The following DSCAM variants were observed in gnomAD, a reference collection of about 807,000 sequenced individuals.
The protein encoded by DSCAM is DS cell adhesion molecule.
Under a neutral mutation model 217.7 loss-of-function variants are expected in DSCAM, and 47 were observed. That is an observed-to-expected ratio of 0.22 (90% CI 0.17 to 0.28). The LOEUF (loss-of-function observed/expected upper bound fraction) is 0.28, where lower values mean the gene tolerates loss of function less well. Among genes scored for constraint, DSCAM ranks in the 10% least tolerant of loss-of-function variants. The pLI is 1.00. For missense variants in DSCAM, 2,080 were observed against 2,618.3 expected (o/e 0.79, Z 4.49); for synonymous variants, 1,056 against 1,015.3 (o/e 1.04, Z -0.76).
chr21:40,491,335 C>T (rs570458700), intron 3 of DSCAM, among the ~76,000 whole-genome samples: 4 of 151,970 alleles, frequency 2.6e-5, no homozygotes, highest in Non-Finnish European at 5.9e-5. Flanking sequence ...AAAATATGAC[C>T]AGAGAGTGAT....
chr21:40,124,967 G>GT lies in DSCAM; in HGVS notation c.3563-640dup, dbSNP rs1164472673. The stretch of plus-strand genomic sequence containing the variant: ...CTGGATCAGTCTCATTTCTGCTGCA[G>GT]TTTTTGGCTTTGAATGTACTGGGGA... On this transcript the variant is annotated intron_variant, in intron 19 of 32. Transcript: ENST00000400454. 2.6e-5 allele frequency among the ~76,000 whole-genome samples: 4 copies of GT among 152,136 alleles called. No homozygotes were observed. The East Asian group carries it at 7.7e-4, about 29-fold the overall frequency.
intron 3 of DSCAM, among the ~76,000 whole-genome samples, chr21:40,691,454 T>G (rs1420032494): frequency 2.6e-5 from 4 of 152,202 alleles, no homozygotes; most frequent in Non-Finnish European, 4.4e-5. Context: ...GCCTCTCCCC[T>G]TTGATTCCGA....
chr21:40,457,570 T>C (rs1281188793), intron 3 of DSCAM, among the ~76,000 whole-genome samples: 1 of 152,030 alleles, frequency 6.6e-6, no homozygotes, highest in African/African-American at 2.4e-5. Flanking sequence ...ACCTGTATTA[T>C]ATCAATTTGT....
intron 3 of DSCAM, among the ~76,000 whole-genome samples, chr21:40,597,361 C>T (rs1374236616): frequency 6.7e-6 from 1 of 149,170 alleles, no homozygotes; most frequent in African/African-American, 2.5e-5. Flanking sequence ...AACGAAATGT[C>T]TCCTTTGTTG....
intron 3 of DSCAM, among the ~76,000 whole-genome samples, chr21:40,623,846 G>A (rs2089560144): frequency 6.6e-6 from 1 of 152,186 alleles, no homozygotes; most frequent in African/African-American, 2.4e-5. Flanking sequence ...TTAAGGGATA[G>A]TCACTGGGAA....
intron 1 of DSCAM, among the ~76,000 whole-genome samples, chr21:40,814,922 G>C (rs185035456): frequency 2.0e-5 from 3 of 152,324 alleles, no homozygotes; most frequent in Admixed American, 6.5e-5. Context: ...CAATTAGCGA[G>C]GTGATTGCAG....
intron 3 of DSCAM, among the ~76,000 whole-genome samples, chr21:40,376,566 CT>C (rs2074958621): frequency 5.5e-5 from 5 of 91,294 alleles, no homozygotes; most frequent in African/African-American, 2.3e-4. Flanking sequence ...ATCTATATAT[CT>C]TATATCGATA....
At chr21:40,556,882 G>A (rs1456084918) in intron 3 of DSCAM, among the ~76,000 whole-genome samples, 1 of 152,120 alleles carries the variant, frequency 6.6e-6, no homozygotes, top group Non-Finnish European at 1.5e-5. Flanking sequence ...TCATTAAATG[G>A]AGGTGGATCA....
chr21:40,248,262 C>A (rs981042817), intron 11 of DSCAM, among the ~76,000 whole-genome samples: 1 of 152,164 alleles, frequency 6.6e-6, no homozygotes, highest in African/African-American at 2.4e-5. Flanking sequence ...GTTACTTATG[C>A]AAATTTCTCC....
intron 11 of DSCAM, among the ~76,000 whole-genome samples, chr21:40,266,954 T>G (rs1021311128): frequency 6.7e-6 from 1 of 150,352 alleles, no homozygotes; most frequent in Non-Finnish European, 1.5e-5. Context: ...ATGTTCTCAT[T>G]TATAAGTAGG....
chr21:40,415,986 CA>C (rs1289606556), intron 3 of DSCAM, among the ~76,000 whole-genome samples: 2 of 152,168 alleles, frequency 1.3e-5, no homozygotes, highest in African/African-American at 4.8e-5. Flanking sequence ...AGGATTACTT[CA>C]AACTTCCAAA....
intron 2 of DSCAM, among the ~76,000 whole-genome samples, chr21:40,700,666 G>T (rs1185128120): frequency 1.3e-5 from 2 of 151,138 alleles, no homozygotes; most frequent in African/African-American, 4.9e-5. Context: ...TTCATAAAAT[G>T]ATTTGGGAAA....
intron 3 of DSCAM, among the ~76,000 whole-genome samples, chr21:40,447,599 A>C (rs2075685144): frequency 6.6e-6 from 1 of 152,234 alleles, no homozygotes; most frequent in Admixed American, 6.5e-5. Flanking sequence ...ATGCTATGGC[A>C]AACTTTCCTT....
Position 40,279,658 on chromosome 21 carries a change from A to G in DSCAM, c.2183-3388T>C, listed in dbSNP as rs142036672. On this transcript the variant is annotated intron_variant, in intron 10 of 32. Transcript: ENST00000400454. ...CCAAGGGATTATAAATCATTTTACT[A>G]TGAAGACACATGCACACATATGTTT... Among the ~76,000 whole-genome samples the G allele has an allele frequency of 5.9e-3, 896 of 152,372 alleles. 7 individuals carry two copies. The highest frequency in any genetic ancestry group is 7.3e-3 in the Non-Finnish European group (499 of 68,036).
chr21:40,651,775 T>G (rs1319309132), intron 3 of DSCAM, among the ~76,000 whole-genome samples: 1 of 152,162 alleles, frequency 6.6e-6, no homozygotes, highest in African/African-American at 2.4e-5. Context: ...ATATACTCAG[T>G]TTTAGGGAAT....
At chr21:40,174,660 G>A (rs539945318) in intron 15 of DSCAM, among the ~76,000 whole-genome samples, 3 of 152,154 alleles carry the variant, frequency 2.0e-5, no homozygotes, top group Non-Finnish European at 4.4e-5. Flanking sequence ...CACTGAGGGG[G>A]TATGGTCAGC....
At chr21:40,557,290 C>T (rs577698865) in intron 3 of DSCAM, among the ~76,000 whole-genome samples, 1 of 152,156 alleles carries the variant, frequency 6.6e-6, no homozygotes, top group Admixed American at 6.5e-5. Context: ...CCCCTTCTCT[C>T]GGGAATTAAT....
At chr21:40,175,068 G>C (rs2090709416) in intron 15 of DSCAM, among the ~76,000 whole-genome samples, 1 of 152,136 alleles carries the variant, frequency 6.6e-6, no homozygotes, top group African/African-American at 2.4e-5. Context: ...CTATAACAAA[G>C]TACTCTAAAC....
intron 3 of DSCAM, among the ~76,000 whole-genome samples, chr21:40,684,325 G>A (rs2090451406): frequency 6.6e-6 from 1 of 152,218 alleles, no homozygotes; most frequent in Non-Finnish European, 1.5e-5. Context: ...AGGGAAGCGG[G>A]GTGGCTCCTA....
Sources: allele counts gnomAD v4.1 joint callset (sites outside exome capture counted in the v4.1 genomes callset), GRCh38; gene constraint gnomAD v4.1.1; transcripts MANE v1.5; gene names NCBI Gene and HGNC (gene_info 2026-07-23, HGNC 2026-07-21).